The following MTHFD1L variants were observed in gnomAD, a reference collection of about 807,000 sequenced individuals.
The protein encoded by MTHFD1L is methylenetetrahydrofolate dehydrogenase (NADP+ dependent) 1 like, also known as monofunctional C1-tetrahydrofolate synthase, mitochondrial.
A neutral mutation model predicts 119.5 loss-of-function variants in MTHFD1L; 81 were observed. That is an observed-to-expected ratio of 0.68 (90% CI 0.57 to 0.82). MTHFD1L has a LOEUF of 0.82. Among genes scored for constraint, MTHFD1L ranks in the 40% least tolerant of loss-of-function variants. The pLI, the probability that MTHFD1L is intolerant of heterozygous loss-of-function variation, is 0.00. For missense variants in MTHFD1L, 1,125 were observed against 1,253.4 expected (o/e 0.90, Z 1.55); for synonymous variants, 430 against 475.2 (o/e 0.90, Z 1.24).
At chr6:151,098,857 G>A (rs1795112902) in intron 27 of MTHFD1L, among the ~76,000 whole-genome samples, 1 of 151,894 alleles carries the variant, frequency 6.6e-6, no homozygotes, top group Non-Finnish European at 1.5e-5. Context: ...CTATACTTTG[G>A]CCAGTCCTTC....
At chr6:151,000,351 AAG>A (rs1184430735) in intron 20 of MTHFD1L, among the ~76,000 whole-genome samples, 1 of 151,904 alleles carries the variant, frequency 6.6e-6, no homozygotes, top group Non-Finnish European at 1.5e-5. Flanking sequence ...AAAAAAAAAA[AAG>A]AAAAAAATTG....
intron 26 of MTHFD1L, among the ~76,000 whole-genome samples, chr6:151,073,620 GAGACAAAGA>G (rs1792173527): frequency 3.9e-5 from 6 of 152,110 alleles, no homozygotes; most frequent in East Asian, 3.9e-4. Flanking sequence ...ATGTTAAATA[GAGACAAAGA>G]AGATATAACA....
intron 17 of MTHFD1L, among the ~76,000 whole-genome samples, chr6:150,957,019 T>C (rs1795746510): frequency 6.6e-6 from 1 of 152,186 alleles, no homozygotes; most frequent in Non-Finnish European, 1.5e-5. Flanking sequence ...GGAATTAGAT[T>C]GATGATTAAA....
chr6:151,023,929 T>G (rs997888462), intron 24 of MTHFD1L, among the ~76,000 whole-genome samples: 7 of 151,998 alleles, frequency 4.6e-5, no homozygotes, highest in Non-Finnish European at 7.4e-5. Flanking sequence ...GTCCACTTTC[T>G]CAATCTAAAA....
chr6:150,886,582 G>A (rs17349687), intron 6 of MTHFD1L, among the ~76,000 whole-genome samples: 7,408 of 151,972 alleles, frequency 0.049, 215 homozygotes, highest in Non-Finnish European at 0.071. Context: ...TTGACTTGGC[G>A]TTTTTATGTC....
chr6:150,866,373 G>C, intron 1 of MTHFD1L: 10 of 1,407,874 alleles, frequency 7.1e-6, no homozygotes, highest in Non-Finnish European at 9.2e-6. Flanking sequence ...AATCGCGCCG[G>C]GCGCGACCCA....
intron 10 of MTHFD1L, among the ~76,000 whole-genome samples, chr6:150,923,640 A>T (rs1299278114): frequency 7.1e-6 from 1 of 140,286 alleles, no homozygotes; most frequent in Admixed American, 7.5e-5. Context: ...AAGTGCTGGG[A>T]TTACAAGCAT....
At chr6:150,991,223 T>G (rs1486835776) in intron 20 of MTHFD1L, among the ~76,000 whole-genome samples, 3 of 152,136 alleles carry the variant, frequency 2.0e-5, no homozygotes, top group African/African-American at 7.2e-5. Context: ...CTTTTTACTT[T>G]TTAGTGTGCA....
intron 17 of MTHFD1L, among the ~76,000 whole-genome samples, chr6:150,957,207 AGTAAATATCT>A (rs1795776755): frequency 6.6e-6 from 1 of 152,344 alleles, no homozygotes; most frequent in Admixed American, 6.5e-5. Context: ...GTAAGTGTTC[AGTAAATATCT>A]GTTGAACAAA....
In MTHFD1L at chr6:150,945,554, T is replaced by C. The variant is rs753234842; in HGVS notation, c.1623+13T>C. On this transcript the variant is annotated intron_variant, in intron 15 of 27. Coordinates refer to ENST00000367321, the MANE Select transcript of MTHFD1L (RefSeq NM_015440.5). ...TGCTCGGCTAAAAGTAAGTTTCCAG[T>C]TAGCAATTCTTTAAAAAGAAAATAT... The C allele has an allele frequency of 1.9e-6, 3 of 1,607,942 alleles. No individual in the cohort carries two copies. In the South Asian group the frequency reaches 3.3e-5, roughly 18 times the overall value.
At chr6:150,990,585 G>A (rs549777927) in intron 20 of MTHFD1L, among the ~76,000 whole-genome samples, 2 of 150,006 alleles carry the variant, frequency 1.3e-5, no homozygotes, top group South Asian at 2.1e-4. Flanking sequence ...TCAGCCTCCC[G>A]AGTAGCCGGG....
At chr6:150,923,010 G>A (rs191267159) in intron 10 of MTHFD1L, among the ~76,000 whole-genome samples, 6 of 152,202 alleles carry the variant, frequency 3.9e-5, no homozygotes, top group African/African-American at 9.6e-5. Context: ...ATATGGTAAT[G>A]TAATATTTGG....
At chr6:151,021,912 GA>G (rs1783995507) in intron 24 of MTHFD1L, 1 of 409,950 alleles carries the variant, frequency 2.4e-6, no homozygotes, top group Admixed American at 2.6e-5. Flanking sequence ...AGTTAAGGTT[GA>G]AAATCATCTC....
intron 9 of MTHFD1L, among the ~76,000 whole-genome samples, chr6:150,919,313 T>A (rs2128889652): frequency 6.6e-6 from 1 of 151,994 alleles, no homozygotes; most frequent in African/African-American, 2.4e-5. Flanking sequence ...AACCTCCACC[T>A]CCTGGGTTTA....
intron 27 of MTHFD1L, chr6:151,099,706 G>T (rs1795203015): frequency 1.2e-6 from 2 of 1,610,724 alleles, no homozygotes; most frequent in Admixed American, 3.3e-5. Context: ...CACTGGTTAT[G>T]GGAGCAACAA....
intron 1 of MTHFD1L, among the ~76,000 whole-genome samples, chr6:150,871,886 A>ATTTTTTTTTTTTTTTTTTTTTTTTTT (rs985548250): frequency 1.4e-5 from 2 of 147,534 alleles, no homozygotes; most frequent in African/African-American, 5.0e-5. Flanking sequence ...ATTTTATTTT[A>ATTTTTTTTTTTTTTTTTTTTTTTTTT]TTTTATTTTT....
At chr6:151,037,246 T>C in intron 26 of MTHFD1L, 129 bp downstream of exon 26, 2 of 991,144 alleles carry the variant, frequency 2.0e-6, no homozygotes. Context: ...TAGTACAGTA[T>C]TCGCTATTTT....
At chr6:151,052,929 A>G (rs764066731) in intron 26 of MTHFD1L, among the ~76,000 whole-genome samples, 1 of 152,220 alleles carries the variant, frequency 6.6e-6, no homozygotes, top group Non-Finnish European at 1.5e-5. Context: ...GGCTGAATAA[A>G]GGGACAAATG....
intron 20 of MTHFD1L, 49 bp from the exon 21 acceptor site, chr6:151,009,770 C>G: frequency 2.5e-6 from 4 of 1,605,968 alleles, no homozygotes; most frequent in Non-Finnish European, 3.4e-6. Flanking sequence ...CCAAAACCTA[C>G]CTTTGTTTTT....
Sources: gnomAD v4.1 joint callset for allele counts (sites outside exome capture counted in the v4.1 genomes callset) on GRCh38, gnomAD v4.1.1 for gene constraint, MANE v1.5 for transcripts, NCBI Gene and HGNC (gene_info 2026-07-23, HGNC 2026-07-21) for gene names.